Variants in N4BP2L1 observed in about 807,000 individuals in gnomAD.
The protein encoded by N4BP2L1 is NEDD4 binding protein 2 like 1.
Under a neutral mutation model 21.2 loss-of-function variants are expected in N4BP2L1, and 12 were observed. The ratio of observed to expected loss-of-function variants is 0.57; its 90% CI spans 0.36 to 0.92. N4BP2L1 has a LOEUF of 0.92. Among genes scored for constraint, N4BP2L1 ranks in the 40% least tolerant of loss-of-function variants. The probability of loss-of-function intolerance (pLI) is 0.01; values close to 1 mark genes in which losing one functional copy is unlikely to be tolerated. For synonymous variants in N4BP2L1, 104 were observed against 112.8 expected (o/e 0.92, Z 0.49); for missense variants, 259 against 310.6 (o/e 0.83, Z 1.25).
intron 1 of N4BP2L1, among the ~76,000 whole-genome samples, chr13:32,422,635 T>G (rs547527220): frequency 1.3e-5 from 2 of 152,330 alleles, no homozygotes; most frequent in South Asian, 2.1e-4. Flanking sequence ...ATCTCCTGTA[T>G]AGCTGGGCAA....
rs1445794217 is a variant in N4BP2L1 at position 32,402,195 on chromosome 13, T to G, written c.*747A>C. 8.1e-6 allele frequency: 8 copies of G among 983,430 alleles called. No homozygotes were observed. The African/African-American group carries it at 1.4e-4, about 17-fold the overall frequency. The allele number at this position is 983,430 out of a possible 1,614,324, so 60.9% of individuals were successfully genotyped here. A position where few individuals can be genotyped will look rare whatever the true frequency, so the allele number is the denominator to read the frequency against. ...GGCAGGCTTATTTTATTTACACTAT[T>G]AGCACAACAGCCAAAAGTTATTCAG... On this transcript the variant is annotated 3_prime_UTR_variant, in exon 5 of 5. Coordinates refer to ENST00000380130, the MANE Select transcript of N4BP2L1 (RefSeq NM_052818.3).
intron 1 of N4BP2L1, among the ~76,000 whole-genome samples, chr13:32,423,574 A>G (rs909844485): frequency 6.6e-6 from 1 of 152,250 alleles, no homozygotes; most frequent in Non-Finnish European, 1.5e-5. Context: ...TGGTATGCCC[A>G]TACAAGGTAA....
intron 1 of N4BP2L1, among the ~76,000 whole-genome samples, chr13:32,418,625 A>G (rs1331106073): frequency 6.6e-6 from 1 of 152,188 alleles, no homozygotes; most frequent in East Asian, 1.9e-4. Flanking sequence ...TTGTGCCTGG[A>G]AAAGCCGCAG....
chr13:32,426,451 T>A (rs2074768953), intron 1 of N4BP2L1, among the ~76,000 whole-genome samples: 1 of 152,110 alleles, frequency 6.6e-6, no homozygotes, highest in South Asian at 2.1e-4. Context: ...GAGGGTCTAT[T>A]GAAATGTGTC....
chr13:32,405,888 C>T (rs1472620107), intron 3 of N4BP2L1, among the ~76,000 whole-genome samples: 2 of 132,424 alleles, frequency 1.5e-5, no homozygotes, highest in South Asian at 2.4e-4. Context: ...CTGCTTCCTG[C>T]CCCCTTTTTT....
intron 4 of N4BP2L1, among the ~76,000 whole-genome samples, chr13:32,403,444 T>C (rs2073274169): frequency 6.6e-6 from 1 of 152,150 alleles, no homozygotes. Flanking sequence ...AAATGCTTTG[T>C]TTCTGGTCCT....
rs1484247946 is a variant in N4BP2L1, at chr13:32,426,398, G to A, written c.179+1506C>T. ...CTGCTGAGTTCCAAGGAGGCTCCCC[G>A]ACTCTGCCTCTGTCCTCCACCTCCC... is the stretch of plus-strand genomic sequence containing the variant. On this transcript the variant is annotated intron_variant, in intron 1 of 4. Transcript: ENST00000380130. 2.6e-5 allele frequency among the ~76,000 whole-genome samples: 4 copies of A among 152,100 alleles called. No individual in the cohort carries two copies. The East Asian group carries it at 7.7e-4, about 29-fold the overall frequency.
At chr13:32,427,800 G>A in intron 1 of N4BP2L1, 104 bp downstream of exon 1, 2 of 688,728 alleles carry the variant, frequency 2.9e-6, no homozygotes, top group Non-Finnish European at 4.0e-6. Flanking sequence ...ACCCGCGGCG[G>A]GGGCGCAAGC....
In N4BP2L1 at chr13:32,403,008, C is replaced by T; in HGVS notation, c.666G>A (p.Arg222=). 1.9e-6 allele frequency: 3 copies of T among 1,614,070 alleles called. No individual in the cohort carries two copies. Among genetic ancestry groups the T allele is most frequent in the Non-Finnish European group, 2.5e-6 (3 of 1,179,974 alleles). The change falls in exon 5 of 5, where the codon AGG becomes AGA. Residue 222 remains arginine (R), a synonymous_variant. Transcript: ENST00000380130. ...TCTCATTTGTAAATCCACCGTGGGCCCTCCGGTTTGGAAACTCTGTGTAGG... is the reference window on the plus strand; with the variant it reads ...TCTCATTTGTAAATCCACCGTGGGCTCTCCGGTTTGGAAACTCTGTGTAGG... ...WNSYTEFPNR[R]AHGGFTNESS... is the part of the protein sequence containing the mutation.
Position 32,402,669 on chromosome 13 carries a change from C to A in N4BP2L1, c.*273G>T. On this transcript the variant is annotated 3_prime_UTR_variant, in exon 5 of 5. Coordinates refer to ENST00000380130, the MANE Select transcript of N4BP2L1 (RefSeq NM_052818.3). ...ATCTATGAACCTATGTAAATATATT[C>A]TTGGGTGTGTTCTCAAGTTTTGGTT... The A allele has an allele frequency of 1.6e-6, 2 of 1,215,290 alleles. No homozygotes were observed. The highest frequency in any genetic ancestry group is 2.1e-6 in the Non-Finnish European group (2 of 975,038). 75.3% of individuals were successfully genotyped at this position (1,215,290 alleles called of 1,614,324 possible).
At chr13:32,423,250 T>G (rs1188711591) in intron 1 of N4BP2L1, among the ~76,000 whole-genome samples, 1 of 152,250 alleles carries the variant, frequency 6.6e-6, no homozygotes, top group Non-Finnish European at 1.5e-5. Flanking sequence ...CTTCTCATGA[T>G]GGAAAATTCC....
Position 32,402,212 on chromosome 13 carries a change from G to A in N4BP2L1, c.*730C>T, listed in dbSNP as rs1163482396. 2.1e-6 allele frequency: 2 copies of A among 972,166 alleles called. No homozygotes were observed. Among genetic ancestry groups the A allele is most frequent in the Non-Finnish European group, 2.4e-6 (2 of 817,974 alleles). The allele number at this position is 972,166 out of a possible 1,614,324, so 60.2% of individuals were successfully genotyped here. On this transcript the variant is annotated 3_prime_UTR_variant, in exon 5 of 5. Coordinates refer to ENST00000380130, the MANE Select transcript of N4BP2L1 (RefSeq NM_052818.3). ...TACACTATTAGCACAACAGCCAAAA[G>A]TTATTCAGGTTTAATCCTGCTGAAT...
At chr13:32,414,580 TTTC>T (rs1236857734) in intron 1 of N4BP2L1, among the ~76,000 whole-genome samples, 1 of 152,166 alleles carries the variant, frequency 6.6e-6, no homozygotes, top group Non-Finnish European at 1.5e-5. Context: ...GTGGCTTTCT[TTTC>T]TTCTTGTTTG....
intron 1 of N4BP2L1, among the ~76,000 whole-genome samples, chr13:32,422,311 G>A (rs756242559): frequency 2.6e-4 from 39 of 151,504 alleles, no homozygotes; most frequent in Non-Finnish European, 5.0e-4. Context: ...ACCCTTTCAC[G>A]AGATCACCCC....
At chr13:32,412,349 G>A (rs1213203475) in intron 1 of N4BP2L1, among the ~76,000 whole-genome samples, 4 of 151,666 alleles carry the variant, frequency 2.6e-5, no homozygotes, top group African/African-American at 4.8e-5. Context: ...ATTGCAGGCC[G>A]GGCGCGGTGG....
intron 1 of N4BP2L1, among the ~76,000 whole-genome samples, chr13:32,427,082 G>A (rs906327327): frequency 4.6e-5 from 7 of 152,202 alleles, no homozygotes; most frequent in African/African-American, 1.7e-4. Context: ...TGGAGCGGTG[G>A]GGCCTAGCAA....
intron 4 of N4BP2L1, 41 bp downstream of exon 4, chr13:32,404,280 A>C: frequency 6.3e-7 from 1 of 1,587,312 alleles, no homozygotes; most frequent in Admixed American, 1.7e-5. Context: ...ACCTGAAAAT[A>C]GCAGGATACA....
In N4BP2L1 at chr13:32,427,887, C is replaced by G; in HGVS notation, c.179+17G>C. 1 of 1,454,420 alleles carries G rather than the reference C, an allele frequency of 6.9e-7. No homozygotes were observed. 90.1% of individuals were successfully genotyped at this position (1,454,420 alleles called of 1,614,324 possible). ...GGCCCCGGGCCCGTGCACCGGCGCC[C>G]AGACCGCTGTCATTACCTGGCCAGT... On this transcript the variant is annotated intron_variant, in intron 1 of 4. Transcript: ENST00000380130.
intron 4 of N4BP2L1, chr13:32,404,057 G>T: frequency 8.9e-7 from 1 of 1,127,328 alleles, no homozygotes; most frequent in Non-Finnish European, 1.2e-6. Flanking sequence ...CCTTGATGAA[G>T]AAGCATTTTA....
Sources: gnomAD v4.1 joint callset for allele counts (sites outside exome capture counted in the v4.1 genomes callset) on GRCh38, gnomAD v4.1.1 for gene constraint, MANE v1.5 for transcripts, NCBI Gene and HGNC (gene_info 2026-07-23, HGNC 2026-07-21) for gene names.